Variants in MRPS14 observed in about 807,000 individuals in gnomAD.
The protein encoded by MRPS14 is small ribosomal subunit protein uS14m.
Under a neutral mutation model 16.4 loss-of-function variants are expected in MRPS14, and 14 were observed. The observed-to-expected ratio is 0.85, with a 90% CI of 0.56 to 1.33. MRPS14 has a LOEUF of 1.33. Ranked by LOEUF, MRPS14 falls within the 40% of genes most tolerant of loss-of-function variation. The pLI is 0.00. For missense variants in MRPS14, 162 were observed against 176.8 expected, an observed-to-expected ratio of 0.92 and a Z score of 0.48; for synonymous variants, 54 against 61.9, an observed-to-expected ratio of 0.87 and a Z score of 0.60.
In MRPS14 at chr1:175,014,524, A is replaced by G. The variant is rs997576511; in HGVS notation, c.*145T>C. On this transcript the variant is annotated 3_prime_UTR_variant, in exon 3 of 3. Transcript: ENST00000476371. Reference sequence around the variant, plus strand: ...AAACACCCAAATGTCTTCATTTTAAAAGTAGTTTAGAGATAGCATCAGGTA... The same window carrying G: ...AAACACCCAAATGTCTTCATTTTAAGAGTAGTTTAGAGATAGCATCAGGTA... 2 of 678,438 alleles carry G rather than the reference A, an allele frequency of 2.9e-6. No homozygotes were observed. The highest frequency in any genetic ancestry group is 2.8e-5 in the South Asian group (1 of 36,028). 42.0% of individuals were successfully genotyped at this position (678,438 alleles called of 1,614,324 possible).
At chr1:175,017,926 C>A (rs1284955165) in intron 2 of MRPS14, among the ~76,000 whole-genome samples, 1 of 152,266 alleles carries the variant, frequency 6.6e-6, no homozygotes, top group East Asian at 1.9e-4. Flanking sequence ...GAGTTCGAGA[C>A]CAGCCCAGCC....
Position 175,014,933 on chromosome 1 carries a change from C to CTT in MRPS14, c.205-84_205-83dup, listed in dbSNP as rs368085151. On this transcript the variant is annotated intron_variant, in intron 2 of 2. Coordinates refer to ENST00000476371, the MANE Select transcript of MRPS14 (RefSeq NM_022100.3). Reference sequence around the variant, plus strand: ...CTCCTTCTCACTTGCAGGTAATTTTCTTTTCTTTTTTTTTTTTTTTTGAGA... The same window carrying CTT: ...CTCCTTCTCACTTGCAGGTAATTTTCTTTTTTCTTTTTTTTTTTTTTTTGAGA... The CTT allele has an allele frequency of 2.9e-3, 2,254 of 764,098 alleles. 26 individuals carry two copies. Among genetic ancestry groups the CTT allele is most frequent in the South Asian group, 3.7e-3 (162 of 44,150 alleles). 47.3% of individuals were successfully genotyped at this position (764,098 alleles called of 1,614,324 possible). A position where few individuals can be genotyped will look rare whatever the true frequency, so the allele number is the denominator to read the frequency against.
At chr1:175,023,307 T>TG in intron 1 of MRPS14, 57 bp downstream of exon 1, 2 of 1,599,214 alleles carry the variant, frequency 1.3e-6, no homozygotes, top group Non-Finnish European at 1.7e-6. Context: ...GGGGGACCCG[T>TG]GGGTTATGAG....
At chr1:175,014,928 AT>A in intron 2 of MRPS14, 77 bp from the exon 3 acceptor site, 1 of 1,142,022 alleles carries the variant, frequency 8.8e-7, no homozygotes, top group Non-Finnish European at 1.2e-6. Flanking sequence ...CTTGCAGGTA[AT>A]TTTCTTTTCT....
rs185458605 is a variant in MRPS14 at position 175,017,791 on chromosome 1, C to T, written c.204+627G>A. ...TTAGGCCGCGTACCAGGCACACAGACTTCAACATCAGCAATGCCTCCCAAT... is the reference window on the plus strand; with the variant it reads ...TTAGGCCGCGTACCAGGCACACAGATTTCAACATCAGCAATGCCTCCCAAT... On this transcript the variant is annotated intron_variant, in intron 2 of 2. Transcript: ENST00000476371. 4.7e-4 allele frequency among the ~76,000 whole-genome samples: 71 copies of T among 152,274 alleles called. 1 individual carries two copies. In the East Asian group the frequency reaches 8.7e-3, roughly 19 times the overall value.
intron 2 of MRPS14, among the ~76,000 whole-genome samples, chr1:175,015,636 G>A (rs1672868153): frequency 1.3e-5 from 2 of 152,148 alleles, no homozygotes; most frequent in Non-Finnish European, 2.9e-5. Flanking sequence ...AAGTGGTTGA[G>A]GGGAGAAAAG....
chr1:175,014,552 C>T lies in MRPS14; in HGVS notation c.*117G>A, dbSNP rs1672844273. 1 of 1,016,438 alleles carries T rather than the reference C, an allele frequency of 9.8e-7. No individual in the cohort carries two copies. Among genetic ancestry groups the T allele is most frequent in the Non-Finnish European group, 1.4e-6 (1 of 719,408 alleles). The allele number at this position is 1,016,438 out of a possible 1,614,324, so 63.0% of individuals were successfully genotyped here. ...TAGTTTAGAGATAGCATCAGGTAGG[C>T]CAAACAACTGTACTGGGCCCCTGTA... On this transcript the variant is annotated 3_prime_UTR_variant, in exon 3 of 3. Transcript: ENST00000476371.
At chr1:175,020,922 C>T (rs1030482880) in intron 1 of MRPS14, among the ~76,000 whole-genome samples, 4 of 152,176 alleles carry the variant, frequency 2.6e-5, no homozygotes, top group African/African-American at 9.7e-5. Flanking sequence ...CCCCATCTCT[C>T]ACCCCTCTTC....
In MRPS14 at chr1:175,016,345, G is replaced by GGATT. The variant is rs1175565402; in HGVS notation, c.205-1498_205-1495dup. ...ACCTTAAAGAATGGCTAGAAATTATGGATTGATTGATTGATACATACCCCT... is the reference window on the plus strand; with the variant it reads ...ACCTTAAAGAATGGCTAGAAATTATGGATTGATTGATTGATTGATACATACCCCT... On this transcript the variant is annotated intron_variant, in intron 2 of 2. Transcript: ENST00000476371. Among the ~76,000 whole-genome samples the GGATT allele has an allele frequency of 1.1e-4, 17 of 152,146 alleles. 1 individual carries two copies. Among genetic ancestry groups the GGATT allele is most frequent in the Admixed American group, 1.1e-3 (17 of 15,268 alleles).
rs368085151 is a variant in MRPS14, at chr1:175,014,933, C to CTTTTT, written c.205-83_205-82insAAAAA. ...CTCCTTCTCACTTGCAGGTAATTTT[C>CTTTTT]TTTTCTTTTTTTTTTTTTTTTGAGA... On this transcript the variant is annotated intron_variant, in intron 2 of 2. Transcript: ENST00000476371. 2.6e-5 allele frequency: 20 copies of CTTTTT among 768,762 alleles called. 1 individual carries two copies. Among genetic ancestry groups the CTTTTT allele is most frequent in the African/African-American group, 2.9e-5 (1 of 34,316 alleles). 47.6% of individuals were successfully genotyped at this position (768,762 alleles called of 1,614,324 possible). A position where few individuals can be genotyped will look rare whatever the true frequency, so the allele number is the denominator to read the frequency against.
chr1:175,014,683 G>A lies in MRPS14; in HGVS notation c.373C>T (p.Arg125Ter), dbSNP rs1259986627. Reference protein sequence around the residue: ...ADHGQLSGIQRATW With the variant: ...ADHGQLSGIQ ...CTGGAGCTCATTTACCATGTCGCTC[G>A]CTGGATCCCAGAAAGTTGCCCATGG... is the stretch of plus-strand genomic sequence containing the variant. The change falls in exon 3 of 3, where the codon CGA becomes TGA. Residue 125 changes from arginine to a stop codon, truncating the protein, a stop_gained. Transcript: ENST00000476371. LOFTEE classifies it high-confidence loss of function. 5 of 1,610,844 alleles carry A rather than the reference G, an allele frequency of 3.1e-6. No individual in the cohort carries two copies. Among genetic ancestry groups the A allele is most frequent in the East Asian group, 4.5e-5 (2 of 44,840 alleles).
Position 175,018,377 on chromosome 1 carries a change from A to G in MRPS14, c.204+41T>C, listed in dbSNP as rs201566949. 8.3e-4 allele frequency: 1,263 copies of G among 1,529,332 alleles called. 15 individuals are homozygous for G. The South Asian group carries it at 9.2e-3, about 11-fold the overall frequency. 94.7% of individuals were successfully genotyped at this position (1,529,332 alleles called of 1,614,324 possible). ...TCAAAAGTGATCTGATGTTGAGTTAATGATCTTGTGGTACAAAGGGACTCA... is the reference window on the plus strand; with the variant it reads ...TCAAAAGTGATCTGATGTTGAGTTAGTGATCTTGTGGTACAAAGGGACTCA... On this transcript the variant is annotated intron_variant, in intron 2 of 2. Transcript: ENST00000476371.
chr1:175,017,662 G>A (rs771881109), intron 2 of MRPS14, among the ~76,000 whole-genome samples: 1 of 152,070 alleles, frequency 6.6e-6, no homozygotes, highest in Non-Finnish European at 1.5e-5. Flanking sequence ...AGCCAAGCAG[G>A]GTGACAAGGA....
At chr1:175,019,145 A>C (rs559391543) in intron 1 of MRPS14, among the ~76,000 whole-genome samples, 4 of 152,366 alleles carry the variant, frequency 2.6e-5, no homozygotes, top group Non-Finnish European at 4.4e-5. Context: ...TCTGCTATAT[A>C]GAAGCATCAT....
rs1558329743 is a variant in MRPS14, at chr1:175,014,906, T to C, written c.205-55A>G. 2.6e-6 allele frequency: 4 copies of C among 1,546,322 alleles called. No homozygotes were observed. In the East Asian group the frequency reaches 6.9e-5, roughly 27 times the overall value. Reference sequence around the variant, plus strand: ...ACATTACATTGTTGCACATGTATTTTGCTCCTTCTCACTTGCAGGTAATTT... The same window carrying C: ...ACATTACATTGTTGCACATGTATTTCGCTCCTTCTCACTTGCAGGTAATTT... On this transcript the variant is annotated intron_variant, in intron 2 of 2. Transcript: ENST00000476371.
chr1:175,019,267 A>C (rs1672936101), intron 1 of MRPS14, among the ~76,000 whole-genome samples: 1 of 152,032 alleles, frequency 6.6e-6, no homozygotes. Context: ...TATATCTTGA[A>C]GATATATTAT....
At chr1:175,015,188 A>G (rs961013215) in intron 2 of MRPS14, among the ~76,000 whole-genome samples, 10 of 152,036 alleles carry the variant, frequency 6.6e-5, no homozygotes, top group Non-Finnish European at 1.5e-4. Flanking sequence ...AGCTCTGGCA[A>G]TCCGCCCATC....
rs117837164 is a variant in MRPS14, at chr1:175,020,726, C to T, written c.46-2150G>A. Reference sequence around the variant, plus strand: ...GTTTCTCCATGTTGGTCAGGCTGGTCTTGAAATCCCAAAGTAATACACTTT... The same window carrying T: ...GTTTCTCCATGTTGGTCAGGCTGGTTTTGAAATCCCAAAGTAATACACTTT... On this transcript the variant is annotated intron_variant, in intron 1 of 2. Transcript: ENST00000476371. Among the ~76,000 whole-genome samples, 346 of 152,288 alleles carry T rather than the reference C, an allele frequency of 2.3e-3. 10 individuals carry two copies. In the East Asian group the frequency reaches 0.063, roughly 28 times the overall value.
chr1:175,016,916 A>G (rs1227840213), intron 2 of MRPS14, among the ~76,000 whole-genome samples: 1 of 152,138 alleles, frequency 6.6e-6, no homozygotes, highest in African/African-American at 2.4e-5. Context: ...TTACAACAGG[A>G]AGTATACCCT....
Sources: gnomAD v4.1 joint callset for allele counts (sites outside exome capture counted in the v4.1 genomes callset) on GRCh38, gnomAD v4.1.1 for gene constraint, MANE v1.5 for transcripts, NCBI Gene and HGNC (gene_info 2026-07-23, HGNC 2026-07-21) for gene names.